RBPMS2: variants seen among roughly 807,000 people sequenced by gnomAD.
RBPMS2 encodes RNA-binding protein with multiple splicing 2.
Under a neutral mutation model 25.7 loss-of-function variants are expected in RBPMS2, and 14 were observed. That is an observed-to-expected ratio of 0.55 (90% CI 0.36 to 0.85). The LOEUF is 0.85. Ranked by LOEUF, RBPMS2 falls within the 40% of genes least tolerant of loss-of-function variation. The probability of loss-of-function intolerance (pLI) is 0.01; values close to 1 mark genes in which losing one functional copy is unlikely to be tolerated. For synonymous variants in RBPMS2, 127 were observed against 115.6 expected, an observed-to-expected ratio of 1.10 and a Z score of -0.63; for missense variants, 252 against 283.4, an observed-to-expected ratio of 0.89 and a Z score of 0.80.
At position 64,741,226 on chromosome 15, in the gene RBPMS2, G is replaced by A. The variant is rs1484175613; in HGVS notation, c.584C>T (p.Ser195Phe). ...ALHAQVRWYP[S>F]SDTTQQGWKY... The stretch of plus-strand genomic sequence containing the variant: ...CCATCCTTGCTGGGTGGTGTCAGAG[G>A]AAGGGTACCAGCGCACCTGCAAGAG... The change falls in exon 7 of 8, where the codon TCC becomes TTC. Residue 195 changes from serine (S) to phenylalanine (F), a missense_variant. By Grantham distance (155) the Ser-to-Phe change is radical. Coordinates refer to ENST00000300069, the MANE Select transcript of RBPMS2 (RefSeq NM_194272.3). 1 of 1,592,338 alleles carries A rather than the reference G, an allele frequency of 6.3e-7. No individual in the cohort carries two copies. The highest frequency in any genetic ancestry group is 2.3e-5 in the East Asian group (1 of 43,972).
At chr15:64,770,264 T>C (rs1389208653) in intron 1 of RBPMS2, among the ~76,000 whole-genome samples, 2 of 152,172 alleles carry the variant, frequency 1.3e-5, no homozygotes, top group African/African-American at 2.4e-5. Flanking sequence ...TAAAACACAA[T>C]AGCAGTATAC....
At chr15:64,763,016 G>A (rs1016871050) in intron 1 of RBPMS2, among the ~76,000 whole-genome samples, 2 of 150,774 alleles carry the variant, frequency 1.3e-5, no homozygotes, top group African/African-American at 4.9e-5. Flanking sequence ...AAACGTCAGG[G>A]CAGTCATACC....
At chr15:64,772,603 C>T (rs182487823) in intron 1 of RBPMS2, among the ~76,000 whole-genome samples, 1 of 152,248 alleles carries the variant, frequency 6.6e-6, no homozygotes, top group African/African-American at 2.4e-5. Flanking sequence ...CCAAACAAGC[C>T]ATGTGGTTAC....
intron 6 of RBPMS2, among the ~76,000 whole-genome samples, chr15:64,744,849 C>G (rs1198083636): frequency 2.6e-5 from 3 of 114,628 alleles, no homozygotes; most frequent in African/African-American, 1.0e-4. Context: ...GAGTCTCGCT[C>G]TGTCACCCAG....
rs994397339 is a variant in RBPMS2, at chr15:64,740,297, A to G, written c.*711T>C. 5 of 152,336 alleles carry G rather than the reference A, an allele frequency of 3.3e-5. No homozygotes were observed. The East Asian group carries it at 7.7e-4, about 23-fold the overall frequency. 9.4% of individuals were successfully genotyped at this position (152,336 alleles called of 1,614,324 possible). A position where few individuals can be genotyped will look rare whatever the true frequency, so the allele number is the denominator to read the frequency against. ...CGTTTTGGTTGGTTTCGAGGTTTGG[A>G]AAGAATGAGGAGCAGCGGCGGGCGG... On this transcript the variant is annotated 3_prime_UTR_variant, in exon 8 of 8. Coordinates refer to ENST00000300069, the MANE Select transcript of RBPMS2 (RefSeq NM_194272.3).
intron 1 of RBPMS2, among the ~76,000 whole-genome samples, chr15:64,757,727 T>C (rs72744739): frequency 0.065 from 9,850 of 152,222 alleles, 338 homozygotes; most frequent in South Asian, 0.088. Flanking sequence ...CAGGGGACCA[T>C]TGTGGTACCT....
At chr15:64,765,525 G>A (rs1365909370) in intron 1 of RBPMS2, among the ~76,000 whole-genome samples, 1 of 151,506 alleles carries the variant, frequency 6.6e-6, no homozygotes, top group Non-Finnish European at 1.5e-5. Context: ...GCTACAGTGA[G>A]CCGTAATCAT....
At position 64,759,363 on chromosome 15, in the gene RBPMS2, C is replaced by T. The variant is rs2083761403; in HGVS notation, c.88-7725G>A. Among the ~76,000 whole-genome samples the T allele has an allele frequency of 4.6e-5, 7 of 152,302 alleles. No individual in the cohort carries two copies. In the South Asian group the frequency reaches 1.5e-3, roughly 32 times the overall value. On this transcript the variant is annotated intron_variant, in intron 1 of 7. Transcript: ENST00000300069. ...GCCTGCCCAGGCTGCCCAGGTCACC[C>T]AGCCCTCTCTTTCAGGAAGGTGTGA...
chr15:64,768,823 GGGCGCCGT>G (rs2083869554), intron 1 of RBPMS2, among the ~76,000 whole-genome samples: 1 of 150,288 alleles, frequency 6.7e-6, no homozygotes, highest in African/African-American at 2.5e-5. Context: ...ATTTAAGGCC[GGGCGCCGT>G]GGCTCATGTC....
intron 1 of RBPMS2, among the ~76,000 whole-genome samples, chr15:64,768,423 A>C (rs1300071237): frequency 6.6e-6 from 1 of 151,976 alleles, no homozygotes; most frequent in Non-Finnish European, 1.5e-5. Context: ...CGGATCACCT[A>C]AGGTCAGGAG....
intron 1 of RBPMS2, among the ~76,000 whole-genome samples, chr15:64,761,478 C>A (rs2083785585): frequency 6.6e-6 from 1 of 152,220 alleles, no homozygotes; most frequent in Non-Finnish European, 1.5e-5. Flanking sequence ...CTTTTGCAGA[C>A]CTTGATCTCA....
intron 1 of RBPMS2, among the ~76,000 whole-genome samples, chr15:64,770,318 C>T (rs920133806): frequency 6.6e-6 from 1 of 152,224 alleles, no homozygotes; most frequent in African/African-American, 2.4e-5. Context: ...CCAACCTCCC[C>T]ACTTAATAGC....
intron 1 of RBPMS2, among the ~76,000 whole-genome samples, chr15:64,770,785 C>A (rs1320140521): frequency 6.6e-6 from 1 of 152,012 alleles, no homozygotes; most frequent in Non-Finnish European, 1.5e-5. Flanking sequence ...ACCTCCCACA[C>A]CCCCCTCCCC....
chr15:64,749,255 T>C (rs1003950340), intron 4 of RBPMS2, 105 bp from the exon 5 acceptor site: 3 of 1,428,336 alleles, frequency 2.1e-6, no homozygotes, highest in African/African-American at 2.8e-5. Context: ...CTCGAAGACC[T>C]GCCCACACGG....
chr15:64,748,759 T>G (rs1173556639), intron 5 of RBPMS2, among the ~76,000 whole-genome samples, 192 bp from the exon 6 acceptor site: 1 of 151,914 alleles, frequency 6.6e-6, no homozygotes, highest in Non-Finnish European at 1.5e-5. Context: ...CCTGCCTGCT[T>G]TAAGACAGGC....
intron 2 of RBPMS2, among the ~76,000 whole-genome samples, chr15:64,750,670 T>C (rs1340333314): frequency 2.0e-5 from 3 of 152,208 alleles, no homozygotes; most frequent in Admixed American, 6.5e-5. Flanking sequence ...CCTTACCTTT[T>C]AAGTTTTCTC....
intron 1 of RBPMS2, among the ~76,000 whole-genome samples, chr15:64,766,686 C>T (rs1216331448): frequency 1.3e-5 from 2 of 151,984 alleles, no homozygotes; most frequent in Non-Finnish European, 2.9e-5. Context: ...CCACCACACC[C>T]GGCTAATTTT....
At chr15:64,750,463 G>T in intron 2 of RBPMS2, 82 bp from the exon 3 acceptor site, 1 of 1,199,274 alleles carries the variant, frequency 8.3e-7, no homozygotes, top group Non-Finnish European at 1.2e-6. Context: ...ATCAGCCCCC[G>T]CGTTCCCCTG....
At position 64,748,470 on chromosome 15, in the gene RBPMS2, A is replaced by T; in HGVS notation, c.516T>A (p.Ala172=). 1 of 1,614,112 alleles carries T rather than the reference A, an allele frequency of 6.2e-7. No individual in the cohort carries two copies. Among genetic ancestry groups the T allele is most frequent in the Non-Finnish European group, 8.5e-7 (1 of 1,180,000 alleles). Residue 172 remains alanine, a synonymous_variant, in exon 6 of 8, where the codon GCT becomes GCA. Transcript: ENST00000300069. The stretch of plus-strand genomic sequence containing the variant: ...CAGTGGCAGTTGGGTAGGTGAACGC[A>T]GCATGGGAGATGGCTGGGGTCAGCT... The part of the protein sequence containing the change: ...TTELTPAISH[A]AFTYPTATAA...
Sources: allele counts gnomAD v4.1 joint callset (sites outside exome capture counted in the v4.1 genomes callset), GRCh38; gene constraint gnomAD v4.1.1; transcripts MANE v1.5; gene names NCBI Gene and HGNC (gene_info 2026-07-23, HGNC 2026-07-21).